RGS20: variants seen among roughly 807,000 people sequenced by gnomAD.
The protein encoded by RGS20 is regulator of G protein signaling 20, also known as gz-selective GTPase-activating protein.
A neutral mutation model predicts 33.6 loss-of-function variants in RGS20; 30 were observed. The observed-to-expected ratio is 0.89, with a 90% CI of 0.67 to 1.21. The LOEUF (loss-of-function observed/expected upper bound fraction) is 1.21, where lower values mean the gene tolerates loss of function less well. Ranked by LOEUF, RGS20 falls within the 50% of genes most tolerant of loss-of-function variation. The pLI is 0.00. For synonymous variants in RGS20, 208 were observed against 197.9 expected (o/e 1.05, Z -0.43); for missense variants, 472 against 502.4 (o/e 0.94, Z 0.58).
intron 1 of RGS20, among the ~76,000 whole-genome samples, chr8:53,863,727 C>CTTTT (rs370117372): frequency 6.2e-5 from 8 of 129,218 alleles, no homozygotes; most frequent in Non-Finnish European, 1.0e-4. Context: ...TTTGTTTTAT[C>CTTTT]TTTTTTTTTT....
intron 2 of RGS20, among the ~76,000 whole-genome samples, chr8:53,897,948 A>G (rs1812913697): frequency 6.6e-6 from 1 of 152,222 alleles, no homozygotes; most frequent in South Asian, 2.1e-4. Context: ...CATGTGGGGC[A>G]CACACTGCAA....
At chr8:53,939,390 G>T (rs565987248) in intron 2 of RGS20, among the ~76,000 whole-genome samples, 186 bp from the exon 2 acceptor site, 1 of 152,184 alleles carries the variant, frequency 6.6e-6, no homozygotes, top group African/African-American at 2.4e-5. Context: ...GAGGATAAGC[G>T]TTACATGTTG....
At position 53,916,224 on chromosome 8, in the gene RGS20, G is replaced by A. The variant is rs558952269; in HGVS notation, c.511-23352G>A. ...TTTCGTAGAGACAAGGTTTCACTGT[G>A]TTGCCCAGGGTGGTCTTGAACTCCT... On this transcript the variant is annotated intron_variant, in intron 2 of 5. Coordinates refer to ENST00000297313, the MANE Select transcript of RGS20 (RefSeq NM_170587.4). Among the ~76,000 whole-genome samples the A allele has an allele frequency of 2.0e-5, 3 of 152,238 alleles. No homozygotes were observed. In the East Asian group the frequency reaches 5.8e-4, roughly 30 times the overall value.
chr8:53,943,234 T>C (rs973570235), intron 3 of RGS20, among the ~76,000 whole-genome samples: 5 of 152,124 alleles, frequency 3.3e-5, no homozygotes, highest in African/African-American at 9.7e-5. Context: ...TGAATTTCCT[T>C]GTTTTTTTTC....
At chr8:53,939,425 C>T (rs150291631) in intron 2 of RGS20, 151 bp from the exon 2 acceptor site, 1 of 726,248 alleles carries the variant, frequency 1.4e-6, no homozygotes, top group African/African-American at 1.8e-5. Context: ...TCCTAAGATT[C>T]TAAGCACTAA....
intron 2 of RGS20, among the ~76,000 whole-genome samples, chr8:53,931,783 C>G (rs1813971912): frequency 6.6e-6 from 1 of 152,082 alleles, no homozygotes; most frequent in Non-Finnish European, 1.5e-5. Context: ...GTCGCCTCAC[C>G]CAGGAAGTGC....
At chr8:53,914,749 T>C (rs1360883229) in intron 2 of RGS20, 1 of 152,092 alleles carries the variant, frequency 6.6e-6, no homozygotes, top group African/African-American at 2.4e-5. Context: ...TATACTAAAA[T>C]TGGAACAATA....
At position 53,939,680 on chromosome 8, in the gene RGS20, C is replaced by T. The variant is rs766178848; in HGVS notation, c.615C>T (p.Ser205=). Residue 205 remains serine, a synonymous_variant, in exon 3 of 6, where the codon TCC becomes TCT. Transcript: ENST00000297313. ...AGCCCGGAGCGGGGAGTCGCGGGTC[C>T]AACGCATGCTGCTTCTGCTGGTGCT... 5.7e-6 allele frequency: 9 copies of T among 1,574,116 alleles called. No homozygotes were observed. In the South Asian group the frequency reaches 5.8e-5, roughly 10 times the overall value.
At chr8:53,916,572 T>C (rs1310844083) in intron 2 of RGS20, among the ~76,000 whole-genome samples, 1 of 152,186 alleles carries the variant, frequency 6.6e-6, no homozygotes, top group Non-Finnish European at 1.5e-5. Flanking sequence ...GTTGGCCTAA[T>C]TGTCATTCTT....
chr8:53,903,587 A>G (rs1306327553), intron 2 of RGS20, among the ~76,000 whole-genome samples: 1 of 152,120 alleles, frequency 6.6e-6, no homozygotes, highest in African/African-American at 2.4e-5. Context: ...TGTCACTTAC[A>G]CAGCTCAGCA....
At position 53,851,822 on chromosome 8, in the gene RGS20, A is replaced by G. The variant is rs975181585; in HGVS notation, c.-78A>G. ...AGCCAGCCCAGCATTAACCAAACAA[A>G]GAGAAGCAGAGTGGATCCTGTGCTA... On this transcript the variant is annotated 5_prime_UTR_variant, in exon 1 of 6. Transcript: ENST00000297313. 36 of 1,468,892 alleles carry G rather than the reference A, an allele frequency of 2.5e-5. No homozygotes were observed. In the African/African-American group the frequency reaches 4.2e-4, roughly 17 times the overall value. The allele number at this position is 1,468,892 out of a possible 1,614,324, so 91.0% of individuals were successfully genotyped here.
At chr8:53,894,988 A>G (rs537101720) in intron 2 of RGS20, among the ~76,000 whole-genome samples, 32 of 152,210 alleles carry the variant, frequency 2.1e-4, no homozygotes, top group African/African-American at 7.5e-4. Flanking sequence ...GGTCATTGCA[A>G]TTACTCACCT....
intron 5 of RGS20, 49 bp downstream of exon 4, chr8:53,954,359 TTGG>T (rs1417189400): frequency 3.8e-6 from 5 of 1,313,794 alleles, no homozygotes; most frequent in Non-Finnish European, 5.5e-6. Context: ...TAAAATTAAC[TTGG>T]TGCAAAAGTA....
chr8:53,854,236 C>A (rs1320949460), intron 1 of RGS20, among the ~76,000 whole-genome samples: 1 of 151,948 alleles, frequency 6.6e-6, no homozygotes, highest in African/African-American at 2.4e-5. Context: ...ATAAATAAGA[C>A]TTCATTAGAA....
intron 1 of RGS20, among the ~76,000 whole-genome samples, chr8:53,858,096 A>G (rs1340438714): frequency 2.0e-5 from 3 of 152,238 alleles, no homozygotes; most frequent in Non-Finnish European, 4.4e-5. Flanking sequence ...CCCAGAGACT[A>G]TTCTTATATA....
chr8:53,894,597 C>T (rs1418860358), intron 2 of RGS20, among the ~76,000 whole-genome samples: 1 of 152,180 alleles, frequency 6.6e-6, no homozygotes, highest in Non-Finnish European at 1.5e-5. Context: ...CCAAATCCAT[C>T]GAATGTGGCC....
At chr8:53,870,800 T>C (rs1050712750) in intron 1 of RGS20, among the ~76,000 whole-genome samples, 8 of 152,100 alleles carry the variant, frequency 5.3e-5, no homozygotes, top group East Asian at 1.9e-4. Context: ...GAGATATAAA[T>C]GTCTAGCAGC....
At chr8:53,933,037 A>G (rs1377954886) in intron 2 of RGS20, among the ~76,000 whole-genome samples, 2 of 152,204 alleles carry the variant, frequency 1.3e-5, no homozygotes, top group Non-Finnish European at 1.5e-5. Flanking sequence ...TTAGAAGGAA[A>G]GCTAACAAAC....
At chr8:53,918,158 A>C (rs1391521469) in intron 2 of RGS20, among the ~76,000 whole-genome samples, 7 of 152,178 alleles carry the variant, frequency 4.6e-5, no homozygotes, top group Non-Finnish European at 1.5e-5. Flanking sequence ...ACAGTCACAA[A>C]GTTGTGCAAC....
Sources: allele counts gnomAD v4.1 joint callset (sites outside exome capture counted in the v4.1 genomes callset), GRCh38; gene constraint gnomAD v4.1.1; transcripts MANE v1.5; gene names NCBI Gene and HGNC (gene_info 2026-07-23, HGNC 2026-07-21).